The following CABIN1 variants were observed in gnomAD, a reference collection of about 807,000 sequenced individuals.
CABIN1 encodes the protein calcineurin binding protein 1, also known as calcineurin-binding protein cabin-1.
Under a neutral mutation model 227.7 loss-of-function variants are expected in CABIN1, and 133 were observed. That is an observed-to-expected ratio of 0.58 (90% CI 0.51 to 0.67). The LOEUF is 0.67. Among genes scored for constraint, CABIN1 ranks in the 30% least tolerant of loss-of-function variants. The pLI is 0.00. For missense variants in CABIN1, 2,408 were observed against 2,852.5 expected (o/e 0.84, Z 3.55); for synonymous variants, 1,086 against 1,155.1 (o/e 0.94, Z 1.21).
chr22:24,177,460 T>A lies in CABIN1; in HGVS notation c.6206-44T>A, dbSNP rs1370479162. The A allele has an allele frequency of 5.4e-6, 8 of 1,475,742 alleles. No individual in the cohort carries two copies. In the Admixed American group the frequency reaches 1.8e-4, roughly 32 times the overall value. The allele number at this position is 1,475,742 out of a possible 1,614,324, so 91.4% of individuals were successfully genotyped here. A position where few individuals can be genotyped will look rare whatever the true frequency, so the allele number is the denominator to read the frequency against. On this transcript the variant is annotated intron_variant, in intron 35 of 36. Coordinates refer to ENST00000263119, the MANE Select transcript of CABIN1 (RefSeq NM_012295.4). This position sits in a 1 kb window ranked among gnomAD's most constrained non-coding sequence, Gnocchi z 4.4. Reference sequence around the variant, plus strand: ...GGGGCGAGATAAAGTGCTCACTGTGTGATGCGGCAGGCAGGAAGTGCTCTT... The same window carrying A: ...GGGGCGAGATAAAGTGCTCACTGTGAGATGCGGCAGGCAGGAAGTGCTCTT...
chr22:24,102,705 G>T (rs73879037), intron 26 of CABIN1, among the ~76,000 whole-genome samples: 1,525 of 152,250 alleles, frequency 0.01, 20 homozygotes, highest in African/African-American at 0.035. Flanking sequence ...TGAGGGGTTG[G>T]GGAGAGGGAG....
At chr22:24,094,677 C>T (rs983727201) in intron 24 of CABIN1, among the ~76,000 whole-genome samples, 23 of 150,864 alleles carry the variant, frequency 1.5e-4, no homozygotes, top group Non-Finnish European at 2.4e-4. Context: ...ATTAGCCGGG[C>T]GCGGTGGCGG....
intron 26 of CABIN1, among the ~76,000 whole-genome samples, chr22:24,098,634 G>A (rs952850718): frequency 2.6e-5 from 4 of 152,128 alleles, no homozygotes; most frequent in African/African-American, 9.7e-5. Context: ...GCCGTGACTA[G>A]TTCTAAGTCT....
chr22:24,083,153 C>A, intron 19 of CABIN1, 75 bp from the exon 20 acceptor site: 1 of 1,502,702 alleles, frequency 6.7e-7, no homozygotes, highest in Non-Finnish European at 9.2e-7. Context: ...GTGGTGGTTT[C>A]TCTGGGGCCC....
At position 24,091,593 on chromosome 22, in the gene CABIN1, G is replaced by A. The variant is rs768978836; in HGVS notation, c.3536G>A (p.Arg1179Gln). 1.5e-5 allele frequency: 25 copies of A among 1,614,054 alleles called. No individual in the cohort carries two copies. Among genetic ancestry groups the A allele is most frequent in the East Asian group, 2.2e-5 (1 of 44,898 alleles). The change falls in exon 24 of 37, where the codon CGG becomes CAG. Residue 1179 changes from arginine (R) to glutamine (Q), a missense_variant. By Grantham distance (43) the Arg-to-Gln change is conservative. Transcript: ENST00000263119. ...ATGATCTTCTTACAGATGGAGGGCC[G>A]GCGCGACAGCATGCTAGAGACAGCC... ...PPELVQQMEG[R>Q]RDSMLETAKH...
intron 9 of CABIN1, among the ~76,000 whole-genome samples, chr22:24,055,654 G>A (rs1390080801): frequency 2.6e-5 from 4 of 152,118 alleles, no homozygotes; most frequent in South Asian, 2.1e-4. Context: ...AAAAGCTCCC[G>A]AGCCTTTTCT....
At chr22:24,110,400 G>A (rs963350534) in intron 26 of CABIN1, among the ~76,000 whole-genome samples, 2 of 152,088 alleles carry the variant, frequency 1.3e-5, no homozygotes, top group Admixed American at 1.3e-4. Flanking sequence ...ACAATACATT[G>A]CTACTATTTT....
intron 29 of CABIN1, 62 bp downstream of exon 29, chr22:24,134,477 G>A (rs1049191004): frequency 1.2e-5 from 16 of 1,386,988 alleles, no homozygotes; most frequent in East Asian, 4.8e-5. Flanking sequence ...CACTGAAGGC[G>A]CATGAATTGA....
intron 26 of CABIN1, among the ~76,000 whole-genome samples, chr22:24,109,299 A>T (rs1324400652): frequency 1.3e-5 from 2 of 150,200 alleles, no homozygotes; most frequent in African/African-American, 4.9e-5. Context: ...ATCACTGCTC[A>T]GTGCAGCCTC....
intron 26 of CABIN1, among the ~76,000 whole-genome samples, chr22:24,101,313 T>C (rs571448469): frequency 1.3e-5 from 2 of 152,348 alleles, no homozygotes; most frequent in South Asian, 2.1e-4. Context: ...TCCAGGTACA[T>C]GTGGGTTGTT....
At chr22:24,176,479 A>G (rs1160074657) in intron 35 of CABIN1, among the ~76,000 whole-genome samples, 1 of 152,110 alleles carries the variant, frequency 6.6e-6, no homozygotes, top group African/African-American at 2.4e-5. Context: ...TGCGTGGCCC[A>G]TTGTGTCAGG....
Position 24,098,202 on chromosome 22 carries a change from C to T in CABIN1, c.4117+10C>T. On this transcript the variant is annotated intron_variant, in intron 26 of 36. Coordinates refer to ENST00000263119, the MANE Select transcript of CABIN1 (RefSeq NM_012295.4). The stretch of plus-strand genomic sequence containing the variant: ...CAGGCAACGCCGGACGGTACAGTCC[C>T]TGTTCTCCCTACTGCCAGCCCAGGG... 6.2e-7 allele frequency: 1 copy of T among 1,614,062 alleles called. No individual in the cohort carries two copies. Among genetic ancestry groups the T allele is most frequent in the East Asian group, 2.2e-5 (1 of 44,876 alleles).
In CABIN1 at chr22:24,082,085, CTTTTTT is replaced by C. The variant is rs71184946; in HGVS notation, c.2749-1127_2749-1122del. Reference sequence around the variant, plus strand: ...GGTCTTCCTTGATTTTATTCTCTCTCTTTTTTTTTTTTTTTTTTTTTGAGACAGGGT... The same window carrying C: ...GGTCTTCCTTGATTTTATTCTCTCTCTTTTTTTTTTTTTTTGAGACAGGGT... On this transcript the variant is annotated intron_variant, in intron 19 of 36. Transcript: ENST00000263119. Among the ~76,000 whole-genome samples, 14 of 121,178 alleles carry C rather than the reference CTTTTTT, an allele frequency of 1.2e-4. No homozygotes were observed. The East Asian group carries it at 3.3e-3, about 29-fold the overall frequency. 79.5% of individuals were successfully genotyped at this position (121,178 alleles called of 152,430 possible).
At chr22:24,074,358 A>G (rs992135554) in intron 18 of CABIN1, among the ~76,000 whole-genome samples, 6 of 152,250 alleles carry the variant, frequency 3.9e-5, no homozygotes, top group African/African-American at 1.4e-4. Flanking sequence ...AAAAGAAAGA[A>G]AAAAGAAAGA....
At chr22:24,119,291 C>A in intron 27 of CABIN1, 76 bp from the exon 28 acceptor site, 1 of 1,299,922 alleles carries the variant, frequency 7.7e-7, no homozygotes, top group Non-Finnish European at 1.1e-6. Context: ...AAGGCGCCTC[C>A]GTTACTGGTG....
chr22:24,057,030 G>A (rs1021205992), intron 10 of CABIN1, among the ~76,000 whole-genome samples: 10 of 151,906 alleles, frequency 6.6e-5, no homozygotes, highest in Admixed American at 2.6e-4. Context: ...TCCACCTCCC[G>A]GGTTCATGCC....
In CABIN1 at chr22:24,050,964, C is replaced by T; in HGVS notation, c.796C>T (p.Pro266Ser). The change falls in exon 8 of 37, where the codon CCT (proline) becomes TCT (serine). Residue 266 changes from proline to serine, a missense_variant. By Grantham distance (74) the Pro-to-Ser change is moderately conservative. Transcript: ENST00000263119. Reference protein sequence around the residue: ...EPDLKLVQPIPFFTWKCLGES... With the variant: ...EPDLKLVQPISFFTWKCLGES... Reference sequence around the variant, plus strand: ...GGACCTGAAACTTGTGCAGCCCATTCCTTTCTTCACGTAGGTTGTCTAGCG... The same window carrying T: ...GGACCTGAAACTTGTGCAGCCCATTTCTTTCTTCACGTAGGTTGTCTAGCG... 3 of 1,614,178 alleles carry T rather than the reference C, an allele frequency of 1.9e-6. No individual in the cohort carries two copies. The highest frequency in any genetic ancestry group is 2.2e-5 in the East Asian group (1 of 44,890).
intron 28 of CABIN1, among the ~76,000 whole-genome samples, chr22:24,130,238 G>A (rs148140067): frequency 1.3e-5 from 2 of 152,328 alleles, no homozygotes; most frequent in African/African-American, 4.8e-5. Flanking sequence ...GGTTGCATGA[G>A]GCCTGAGAGA....
intron 1 of CABIN1, among the ~76,000 whole-genome samples, chr22:24,018,482 A>G (rs529814494): frequency 3.9e-5 from 6 of 152,244 alleles, no homozygotes; most frequent in African/African-American, 1.2e-4. Flanking sequence ...TTCATTTGCA[A>G]GTTTATTCTT....
Sources: allele counts gnomAD v4.1 joint callset (sites outside exome capture counted in the v4.1 genomes callset), GRCh38; gene constraint gnomAD v4.1.1; non-coding constraint Gnocchi (gnomAD v3.1); transcripts MANE v1.5; gene names NCBI Gene and HGNC (gene_info 2026-07-23, HGNC 2026-07-21).